The following SLC5A8 variants were observed in gnomAD, a reference collection of about 807,000 sequenced individuals.
SLC5A8 encodes sodium-coupled monocarboxylate transporter 1.
In SLC5A8, 55 loss-of-function variants were observed where a neutral mutation model predicts 71.9. That is an observed-to-expected ratio of 0.77 (90% CI 0.62 to 0.96). The LOEUF is 0.96. SLC5A8 is among the 40% of genes least tolerant of loss of function. The pLI is 0.00. For synonymous variants in SLC5A8, 307 were observed against 276.1 expected, an observed-to-expected ratio of 1.11 and a Z score of -1.11; for missense variants, 701 against 745.3, an observed-to-expected ratio of 0.94 and a Z score of 0.69.
In SLC5A8 at chr12:101,190,592, A is replaced by C; in HGVS notation, c.709T>G (p.Leu237Val). ...ATTGTCCAGAAGGTGTGTCTTTGCA[A>C]AGGGTTAGGATTAAAACTAAATGAC... Reference protein sequence around the residue: ...LNFWNFNPNPLQRHTFWTIII... With the variant: ...LNFWNFNPNPVQRHTFWTIII... Residue 237 changes from leucine (L) to valine (V), a missense_variant, in exon 6 of 15, where the codon TTG becomes GTG. Transcript: ENST00000536262. 6.2e-7 allele frequency: 1 copy of C among 1,611,174 alleles called. No individual in the cohort carries two copies.
intron 9 of SLC5A8, among the ~76,000 whole-genome samples, chr12:101,180,743 G>A (rs907809670): frequency 4.7e-5 from 7 of 149,910 alleles, no homozygotes; most frequent in African/African-American, 1.5e-4. Flanking sequence ...TCATAGAGAC[G>A]GGGTGTCGCT....
chr12:101,202,687 A>G (rs950446486), intron 2 of SLC5A8, among the ~76,000 whole-genome samples: 5 of 152,154 alleles, frequency 3.3e-5, no homozygotes, highest in Non-Finnish European at 7.3e-5. Flanking sequence ...AAATTAAACA[A>G]AAGTATAAAT....
chr12:101,188,825 G>A (rs1593376704), intron 6 of SLC5A8, among the ~76,000 whole-genome samples: 1 of 152,250 alleles, frequency 6.6e-6, no homozygotes, highest in Non-Finnish European at 1.5e-5. Flanking sequence ...ATTATGCCCA[G>A]ATACTCTCTT....
chr12:101,178,534 G>A (rs890046543), intron 10 of SLC5A8, among the ~76,000 whole-genome samples: 6 of 152,212 alleles, frequency 3.9e-5, no homozygotes, highest in East Asian at 1.9e-4. Context: ...CCTAATGGAC[G>A]TTTTACGAAG....
chr12:101,158,137 C>CTATACCTTCCTTGTCCATCACTTTTCCT, intron 14 of SLC5A8, 112 bp downstream of exon 14: 3 of 774,830 alleles, frequency 3.9e-6, no homozygotes, highest in Non-Finnish European at 6.7e-6. Context: ...TATATAGGGT[C>CTATACCTTCCTTGTCCATCACTTTTCCT]TATACCTTCC....
Position 101,195,176 on chromosome 12 carries a change from T to G in SLC5A8, c.470-14A>C. 6.2e-7 allele frequency: 1 copy of G among 1,612,868 alleles called. No individual in the cohort carries two copies. The highest frequency in any genetic ancestry group is 8.5e-7 in the Non-Finnish European group (1 of 1,179,246). On this transcript the variant is annotated splice_polypyrimidine_tract_variant and intron_variant, in intron 3 of 14. Transcript: ENST00000536262. ...CAAATCCTGTGACTGTAGAAAAAAA[T>G]AGAATGCATATATAATTGTGAAATA...
intron 7 of SLC5A8, among the ~76,000 whole-genome samples, chr12:101,184,717 A>G (rs1470528571): frequency 6.6e-6 from 1 of 152,210 alleles, no homozygotes; most frequent in Non-Finnish European, 1.5e-5. Flanking sequence ...TGTGAACTTC[A>G]GTCACTGCCC....
Position 101,182,147 on chromosome 12 carries a change from T to A in SLC5A8, c.1165+656A>T, listed in dbSNP as rs144437879. On this transcript the variant is annotated intron_variant, in intron 9 of 14. Coordinates refer to ENST00000536262, the MANE Select transcript of SLC5A8 (RefSeq NM_145913.5). ...TGGTATTTAACCCCTAATGAGGCTC[T>A]ACGATTGAACAGAACAGAAGTTGAG... Among the ~76,000 whole-genome samples, 368 of 152,342 alleles carry A rather than the reference T, an allele frequency of 2.4e-3. 1 individual carries two copies. Among genetic ancestry groups the A allele is most frequent in the African/African-American group, 8.2e-3 (339 of 41,590 alleles).
intron 10 of SLC5A8, among the ~76,000 whole-genome samples, chr12:101,171,662 G>A (rs539591782): frequency 2.9e-4 from 44 of 152,294 alleles, no homozygotes; most frequent in African/African-American, 9.9e-4. Context: ...CCAATGATGG[G>A]GGAAGAGTGG....
At position 101,210,037 on chromosome 12, in the gene SLC5A8, G is replaced by A; in HGVS notation, c.-189C>T. ...GGGGTGAGGGCTGGCAGTCGCCCCTGCACCCGCCGCTGCGAGCCGCGCCCC... is the reference window on the plus strand; with the variant it reads ...GGGGTGAGGGCTGGCAGTCGCCCCTACACCCGCCGCTGCGAGCCGCGCCCC... On this transcript the variant is annotated 5_prime_UTR_variant, in exon 1 of 15. Transcript: ENST00000536262. 5.9e-6 allele frequency: 3 copies of A among 510,202 alleles called. No individual in the cohort carries two copies. Among genetic ancestry groups the A allele is most frequent in the South Asian group, 7.2e-5 (2 of 27,686 alleles). 31.6% of individuals were successfully genotyped at this position (510,202 alleles called of 1,614,324 possible).
intron 1 of SLC5A8, among the ~76,000 whole-genome samples, chr12:101,206,053 A>G (rs1448383178): frequency 6.6e-6 from 1 of 152,210 alleles, no homozygotes; most frequent in Non-Finnish European, 1.5e-5. Context: ...TCTCTTTAAA[A>G]TGAGGGGCAT....
At chr12:101,201,515 C>T (rs1869453165) in intron 3 of SLC5A8, among the ~76,000 whole-genome samples, 1 of 152,178 alleles carries the variant, frequency 6.6e-6, no homozygotes, top group Admixed American at 6.6e-5. Context: ...GGTGTTTCCC[C>T]AAAGCCTTTT....
intron 1 of SLC5A8, among the ~76,000 whole-genome samples, chr12:101,205,099 A>T (rs1326478082): frequency 6.6e-6 from 1 of 152,208 alleles, no homozygotes; most frequent in Non-Finnish European, 1.5e-5. Flanking sequence ...CTTCTGACCA[A>T]GAGGAAATCA....
intron 13 of SLC5A8, among the ~76,000 whole-genome samples, chr12:101,158,829 T>C (rs2051699881): frequency 1.3e-5 from 2 of 150,082 alleles, no homozygotes; most frequent in African/African-American, 4.9e-5. Context: ...CTTTGTTGGC[T>C]ACAAATATAC....
intron 6 of SLC5A8, 39 bp downstream of exon 6, chr12:101,190,429 T>G (rs1292865251): frequency 6.3e-7 from 1 of 1,589,540 alleles, no homozygotes. Flanking sequence ...AGACAACTGA[T>G]GGTTATTAAT....
rs769439967 is a variant in SLC5A8, at chr12:101,193,765, T to G, written c.552A>C (p.Ala184=). 17 of 1,613,952 alleles carry G rather than the reference T, an allele frequency of 1.1e-5. No homozygotes were observed. The highest frequency in any genetic ancestry group is 1.4e-5 in the Non-Finnish European group (16 of 1,180,014). The part of the protein sequence containing the change: ...TFYCTLGGLK[A]VIWTDVFQVG... The stretch of plus-strand genomic sequence containing the variant: ...CTTGAAAAACATCTGTCCAGATAAC[T>G]GCTTTAAGACCACCCTTTGAGGGGA... Residue 184 remains alanine, a synonymous_variant, in exon 5 of 15, where the codon GCA becomes GCC. Transcript: ENST00000536262.
intron 1 of SLC5A8, among the ~76,000 whole-genome samples, chr12:101,208,684 A>T (rs1869778883): frequency 6.6e-6 from 1 of 152,246 alleles, no homozygotes; most frequent in Admixed American, 6.5e-5. Context: ...TAGAGAAGGC[A>T]GAGCTGTTTG....
At chr12:101,184,499 A>G (rs557078973) in intron 7 of SLC5A8, among the ~76,000 whole-genome samples, 2 of 152,230 alleles carry the variant, frequency 1.3e-5, no homozygotes, top group Non-Finnish European at 2.9e-5. Context: ...TAGTTGTAAT[A>G]ATACTAACCT....
At chr12:101,190,422 C>T in intron 6 of SLC5A8, 46 bp downstream of exon 6, 1 of 1,580,846 alleles carries the variant, frequency 6.3e-7, no homozygotes, top group Non-Finnish European at 8.6e-7. Context: ...TCCATAAAGA[C>T]AACTGATGGT....
Sources: gnomAD v4.1 joint callset for allele counts (sites outside exome capture counted in the v4.1 genomes callset) on GRCh38, gnomAD v4.1.1 for gene constraint, MANE v1.5 for transcripts, NCBI Gene and HGNC (gene_info 2026-07-23, HGNC 2026-07-21) for gene names.